The following C5AR1 variants were observed in gnomAD, a reference collection of about 807,000 sequenced individuals.
C5AR1 encodes C5a anaphylatoxin chemotactic receptor 1.
A neutral mutation model predicts 2.4 loss-of-function variants in C5AR1; 4 were observed. The observed-to-expected ratio is 1.65, with a 90% CI of 0.81 to 3.77. The LOEUF (loss-of-function observed/expected upper bound fraction) is 3.77, where lower values mean the gene tolerates loss of function less well. C5AR1 is among the 30% of genes most tolerant of loss of function. The pLI is 0.01. For missense variants in C5AR1, 418 were observed against 462.5 expected (o/e 0.90, Z 0.88); for synonymous variants, 209 against 210.4 (o/e 0.99, Z 0.06).
In C5AR1 at chr19:47,320,944, C is replaced by T; in HGVS notation, c.*114C>T. On this transcript the variant is annotated 3_prime_UTR_variant, in exon 2 of 2. Transcript: ENST00000355085. The surrounding 1 kb of genome is among the most constrained non-coding windows in gnomAD (Gnocchi z 4.9). Reference sequence around the variant, plus strand: ...GTGTTACCTTAGCTAACTAACTCTCCTCCATGTTGCCTGTCTTTCCCAGAC... The same window carrying T: ...GTGTTACCTTAGCTAACTAACTCTCTTCCATGTTGCCTGTCTTTCCCAGAC... The T allele has an allele frequency of 8.1e-6, 7 of 861,846 alleles. No homozygotes were observed. Among genetic ancestry groups the T allele is most frequent in the Non-Finnish European group, 1.1e-5 (6 of 571,094 alleles). 53.4% of individuals were successfully genotyped at this position (861,846 alleles called of 1,614,324 possible). A position where few individuals can be genotyped will look rare whatever the true frequency, so the allele number is the denominator to read the frequency against.
chr19:47,312,316 C>G (rs1234545681), intron 1 of C5AR1, among the ~76,000 whole-genome samples: 1 of 152,168 alleles, frequency 6.6e-6, no homozygotes, highest in Non-Finnish European at 1.5e-5. Flanking sequence ...GAACTCCTGG[C>G]CCCAAGCAAT....
At position 47,321,216 on chromosome 19, in the gene C5AR1, T is replaced by C. The variant is rs962328131; in HGVS notation, c.*386T>C. Reference sequence around the variant, plus strand: ...GCTTAAAAAAAATGTATTTATTTTATGGCAAGTTGGAAAATATGTAACTGG... The same window carrying C: ...GCTTAAAAAAAATGTATTTATTTTACGGCAAGTTGGAAAATATGTAACTGG... On this transcript the variant is annotated 3_prime_UTR_variant, in exon 2 of 2. Transcript: ENST00000355085. 1 of 155,830 alleles carries C rather than the reference T, an allele frequency of 6.4e-6. No homozygotes were observed. The highest frequency in any genetic ancestry group is 2.4e-5 in the African/African-American group (1 of 41,388). The allele number at this position is 155,830 out of a possible 1,614,324, so 9.7% of individuals were successfully genotyped here. A position where few individuals can be genotyped will look rare whatever the true frequency, so the allele number is the denominator to read the frequency against.
chr19:47,319,634 C>A, intron 1 of C5AR1, 147 bp from the exon 2 acceptor site: 2 of 625,724 alleles, frequency 3.2e-6, no homozygotes, highest in Non-Finnish European at 5.7e-6. Context: ...TGGTGTGACA[C>A]CCTAGTTGAC....
intron 1 of C5AR1, among the ~76,000 whole-genome samples, chr19:47,312,978 G>C (rs1461803027): frequency 2.0e-5 from 3 of 151,994 alleles, no homozygotes; most frequent in Non-Finnish European, 4.4e-5. Flanking sequence ...TATTTGGTCT[G>C]TTTTGTTTTG....
chr19:47,307,938 G>A (rs148750233), upstream of C5AR1, among the ~76,000 whole-genome samples: 196 of 152,034 alleles, frequency 1.3e-3, 1 homozygote, highest in Middle Eastern at 0.01. Context: ...ACCCAGGCCG[G>A]GCGCAGTGGC....
chr19:47,321,881 C>A lies in C5AR1; in HGVS notation c.*1051C>A, dbSNP rs1007731820. 1 of 152,100 alleles carries A rather than the reference C, an allele frequency of 6.6e-6. No individual in the cohort carries two copies. The highest frequency in any genetic ancestry group is 1.5e-5 in the Non-Finnish European group (1 of 68,058). 9.4% of individuals were successfully genotyped at this position (152,100 alleles called of 1,614,324 possible). A position where few individuals can be genotyped will look rare whatever the true frequency, so the allele number is the denominator to read the frequency against. The stretch of plus-strand genomic sequence containing the variant: ...ACCACAGGGATCCCCAGGATGCCCA[C>A]TTCCCTCCACCCCCACACCCCAGCC... On this transcript the variant is annotated 3_prime_UTR_variant, in exon 2 of 2. Coordinates refer to ENST00000355085, the MANE Select transcript of C5AR1 (RefSeq NM_001736.4).
In C5AR1 at chr19:47,320,436, T is replaced by C. The variant is rs2059305840; in HGVS notation, c.659T>C (p.Ile220Thr). The change falls in exon 2 of 2, where the codon ATT (isoleucine) becomes ACT (threonine). Residue 220 changes from isoleucine (I) to threonine (T), a missense_variant. Physicochemically the swap from Ile to Thr is moderately conservative, Grantham distance 89. Coordinates refer to ENST00000355085, the MANE Select transcript of C5AR1 (RefSeq NM_001736.4). The surrounding 1 kb of genome is among the most constrained non-coding windows in gnomAD (Gnocchi z 4.9). ...GFLWPLLTLT[I>T]CYTFILLRTW... ...CTGTGGCCTCTACTCACGCTCACGATTTGTTACACTTTCATCCTGCTCCGG... is the reference window on the plus strand; with the variant it reads ...CTGTGGCCTCTACTCACGCTCACGACTTGTTACACTTTCATCCTGCTCCGG... 6.2e-7 allele frequency: 1 copy of C among 1,611,602 alleles called. No individual in the cohort carries two copies. Among genetic ancestry groups the C allele is most frequent in the African/African-American group, 1.3e-5 (1 of 74,914 alleles).
At chr19:47,318,956 G>A (rs1188494795) in intron 1 of C5AR1, among the ~76,000 whole-genome samples, 2 of 148,714 alleles carry the variant, frequency 1.3e-5, no homozygotes, top group Admixed American at 6.8e-5. Flanking sequence ...GGCTGTTTCG[G>A]CTCACTGCAA....
At chr19:47,319,562 G>A (rs529909926) in intron 1 of C5AR1, among the ~76,000 whole-genome samples, 2 of 152,218 alleles carry the variant, frequency 1.3e-5, no homozygotes, top group South Asian at 2.1e-4. Flanking sequence ...GCCCGCCTCG[G>A]CCTCCCAAAG....
chr19:47,317,545 G>T (rs1378227756), intron 1 of C5AR1, among the ~76,000 whole-genome samples: 1 of 146,822 alleles, frequency 6.8e-6, no homozygotes. Flanking sequence ...TAGTGGTTCA[G>T]GGATGTGGAT....
intron 1 of C5AR1, among the ~76,000 whole-genome samples, chr19:47,314,850 C>T (rs2059280994): frequency 6.6e-6 from 1 of 152,134 alleles, no homozygotes; most frequent in Non-Finnish European, 1.5e-5. Context: ...CCTGCCATCA[C>T]ACCCAGCTAA....
At chr19:47,313,755 A>G (rs558699375) in intron 1 of C5AR1, among the ~76,000 whole-genome samples, 4 of 151,070 alleles carry the variant, frequency 2.6e-5, no homozygotes, top group South Asian at 2.1e-4. Flanking sequence ...AAAAAAAAAA[A>G]AGAGAGAGAG....
chr19:47,314,971 G>C (rs189024696), intron 1 of C5AR1, among the ~76,000 whole-genome samples: 1 of 152,192 alleles, frequency 6.6e-6, no homozygotes. Context: ...TGGGATTACA[G>C]GCGTGAGCCA....
chr19:47,317,250 T>G (rs1599730959), intron 1 of C5AR1, among the ~76,000 whole-genome samples: 1 of 151,030 alleles, frequency 6.6e-6, no homozygotes, highest in Admixed American at 6.6e-5. Context: ...TTCATGCCTG[T>G]AATCCCAGCA....
In C5AR1 at chr19:47,320,290, C is replaced by T. The variant is rs1348454827; in HGVS notation, c.513C>T (p.Ser171=). The change falls in exon 2 of 2, where the codon TCC becomes TCT. Residue 171 remains serine, a synonymous_variant. Coordinates refer to ENST00000355085, the MANE Select transcript of C5AR1 (RefSeq NM_001736.4). The surrounding 1 kb of genome is among the most constrained non-coding windows in gnomAD (Gnocchi z 4.9). ...TAGCCCTGCTGCTGACCATACCCTC[C>T]TTCCTGTACCGGGTGGTCCGGGAGG... The part of the protein sequence containing the change: ...WGLALLLTIP[S]FLYRVVREEY... 4 of 1,612,736 alleles carry T rather than the reference C, an allele frequency of 2.5e-6. No individual in the cohort carries two copies. The highest frequency in any genetic ancestry group is 3.3e-5 in the Admixed American group (2 of 60,024).
intron 1 of C5AR1, among the ~76,000 whole-genome samples, chr19:47,310,598 C>T (rs2059266630): frequency 6.6e-6 from 1 of 152,154 alleles, no homozygotes; most frequent in Non-Finnish European, 1.5e-5. Context: ...TCAAGTGATC[C>T]TCCCTCTTTA....
chr19:47,320,182 T>A lies in C5AR1; in HGVS notation c.405T>A (p.Phe135Leu), dbSNP rs776048119. 3.1e-6 allele frequency: 5 copies of A among 1,614,220 alleles called. No homozygotes were observed. The highest frequency in any genetic ancestry group is 4.2e-6 in the Non-Finnish European group (5 of 1,180,040). Residue 135 changes from phenylalanine (F) to leucine (L), a missense_variant, in exon 2 of 2, where the codon TTT becomes TTA. By Grantham distance (22) the Phe-to-Leu change is conservative. Coordinates refer to ENST00000355085, the MANE Select transcript of C5AR1 (RefSeq NM_001736.4). This position sits in a 1 kb window ranked among gnomAD's most constrained non-coding sequence, Gnocchi z 4.9. ...LLLATISADR[F>L]LLVFKPIWCQ... ...TGGCCACCATCAGCGCCGACCGCTTTCTGCTGGTGTTTAAACCCATCTGGT... is the reference window on the plus strand; with the variant it reads ...TGGCCACCATCAGCGCCGACCGCTTACTGCTGGTGTTTAAACCCATCTGGT...
chr19:47,309,655 G>A (rs1243919104), upstream of C5AR1, among the ~76,000 whole-genome samples: 1 of 151,942 alleles, frequency 6.6e-6, no homozygotes, highest in Admixed American at 6.6e-5. Flanking sequence ...AGCCTGCACA[G>A]GAGCTTCCTC....
At position 47,320,177 on chromosome 19, in the gene C5AR1, CG is replaced by C; in HGVS notation, c.401del (p.Arg134ProfsTer30). On this transcript the variant is annotated frameshift_variant, in exon 2 of 2. Coordinates refer to ENST00000355085, the MANE Select transcript of C5AR1 (RefSeq NM_001736.4). LOFTEE classifies it low-confidence loss of function (END_TRUNC). This position sits in a 1 kb window ranked among gnomAD's most constrained non-coding sequence, Gnocchi z 4.9. ...GCTCCTGGCCACCATCAGCGCCGAC[CG>C]CTTTCTGCTGGTGTTTAAACCCATC... ...ILLLATISAD[R>X]FLLVFKPIWC... 1 of 1,614,210 alleles carries C rather than the reference CG, an allele frequency of 6.2e-7. No individual in the cohort carries two copies. Among genetic ancestry groups the C allele is most frequent in the Non-Finnish European group, 8.5e-7 (1 of 1,180,044 alleles).
Sources: gnomAD v4.1 joint callset for allele counts (sites outside exome capture counted in the v4.1 genomes callset) on GRCh38, gnomAD v4.1.1 for gene constraint, Gnocchi (gnomAD v3.1) non-coding constraint, MANE v1.5 for transcripts, NCBI Gene and HGNC (gene_info 2026-07-23, HGNC 2026-07-21) for gene names.